The following SH2D4B variants were observed in gnomAD, a reference collection of about 807,000 sequenced individuals.
SH2D4B encodes the protein SH2 domain containing 4B.
SH2D4B carries 45 observed loss-of-function variants against 61.5 expected under a neutral mutation model. The ratio of observed to expected loss-of-function variants is 0.73; its 90% CI spans 0.58 to 0.94. The LOEUF is 0.94. Ranked by LOEUF, SH2D4B falls within the 40% of genes least tolerant of loss-of-function variation. The pLI, the probability that SH2D4B is intolerant of heterozygous loss-of-function variation, is 0.00. For synonymous variants in SH2D4B, 224 were observed against 220.4 expected (o/e 1.02, Z -0.14); for missense variants, 572 against 574.2 (o/e 1.00, Z 0.04).
At chr10:80,626,065 ATTGTC>A in intron 6 of SH2D4B, among the ~76,000 whole-genome samples, 2 of 152,080 alleles carry the variant, frequency 1.3e-5, no homozygotes, top group Admixed American at 1.3e-4. Context: ...CATTTTTATT[ATTGTC>A]TTGTAAGTCA....
chr10:80,603,593 G>T lies in SH2D4B; in HGVS notation c.658G>T (p.Ala220Ser), dbSNP rs370850128. The change falls in exon 5 of 8, where the codon GCG (alanine) becomes TCG (serine). Residue 220 changes from alanine to serine, a missense_variant. Transcript: ENST00000646907. ...EWEEQLRRSK[A>S]ADEERSRRAQ... ...CCTCTTTCCAGTGCGCCGGTCCAAG[G>T]CGGCTGATGAGGAGAGGAGCCGCCG... 1.0e-5 allele frequency: 16 copies of T among 1,560,060 alleles called. No homozygotes were observed. In the African/African-American group the frequency reaches 2.0e-4, roughly 20 times the overall value.
intron 3 of SH2D4B, among the ~76,000 whole-genome samples, chr10:80,582,499 C>A (rs564326163): frequency 2.0e-5 from 3 of 152,140 alleles, no homozygotes; most frequent in Non-Finnish European, 2.9e-5. Flanking sequence ...GGAACCAGGA[C>A]CCCCGCACTG....
intron 1 of SH2D4B, among the ~76,000 whole-genome samples, chr10:80,559,403 A>T (rs1049870595): frequency 1.3e-5 from 2 of 152,060 alleles, no homozygotes; most frequent in African/African-American, 4.8e-5. Flanking sequence ...TTAGTGTCTT[A>T]TTTGTTTTTA....
chr10:80,538,419 A>T lies in SH2D4B; in HGVS notation c.88A>T (p.Lys30Ter). The change falls in exon 1 of 8, where the codon AAA (lysine) becomes TAA (stop). Residue 30 changes from lysine to a stop codon, truncating the protein, a stop_gained. Transcript: ENST00000646907. LOFTEE classifies it high-confidence loss of function. The surrounding 1 kb of genome is among the most constrained non-coding windows in gnomAD (Gnocchi z 4.8). ...TGTGCAGAAGCACATCCTCTTCTAC[A>T]AAATGCGGGAGGAGCAGCTGAGGCG... The part of the protein sequence containing the change: ...SDVQKHILFY[K>*]MREEQLRRWK... 1 of 1,491,834 alleles carries T rather than the reference A, an allele frequency of 6.7e-7. No homozygotes were observed. Among genetic ancestry groups the T allele is most frequent in the Non-Finnish European group, 8.9e-7 (1 of 1,119,086 alleles). 92.4% of individuals were successfully genotyped at this position (1,491,834 alleles called of 1,614,324 possible).
At chr10:80,591,906 A>T (rs2132132421) in intron 4 of SH2D4B, among the ~76,000 whole-genome samples, 3 of 152,296 alleles carry the variant, frequency 2.0e-5, no homozygotes, top group Middle Eastern at 6.8e-3. Flanking sequence ...TCCATTCTTG[A>T]AGGCAGAGTC....
chr10:80,623,121 G>T (rs944539184), intron 6 of SH2D4B, among the ~76,000 whole-genome samples: 1 of 152,188 alleles, frequency 6.6e-6, no homozygotes, highest in Non-Finnish European at 1.5e-5. Context: ...TGCCATGTTG[G>T]CCAGGATTGT....
At chr10:80,632,579 T>C (rs183983389) in intron 6 of SH2D4B, among the ~76,000 whole-genome samples, 64 of 152,258 alleles carry the variant, frequency 4.2e-4, no homozygotes, top group African/African-American at 1.1e-3. Flanking sequence ...TGACATCTTC[T>C]GGTCCCTCTT....
chr10:80,642,070 T>C (rs944746212), intron 7 of SH2D4B, among the ~76,000 whole-genome samples: 8 of 152,156 alleles, frequency 5.3e-5, no homozygotes, highest in Non-Finnish European at 1.5e-5. Context: ...AGGAAATATA[T>C]AGTTTTGTTA....
rs868590434 is a variant in SH2D4B at position 80,611,197 on chromosome 10, A to C, written c.988+1646A>C. ...TCTCAAAAAAAAAAAAAAAAAAAAA[A>C]AAAAAACATTGATGATCTCATGACA... On this transcript the variant is annotated intron_variant, in intron 6 of 7. Transcript: ENST00000646907. 3.8e-4 allele frequency among the ~76,000 whole-genome samples: 58 copies of C among 150,938 alleles called. No homozygotes were observed. The South Asian group carries it at 4.8e-3, about 13-fold the overall frequency.
chr10:80,596,658 A>G (rs1213326331), intron 4 of SH2D4B, among the ~76,000 whole-genome samples: 1 of 152,198 alleles, frequency 6.6e-6, no homozygotes, highest in African/African-American at 2.4e-5. Context: ...TGGGCATTCC[A>G]AGGACTGCCG....
chr10:80,552,979 G>A (rs959497375), intron 1 of SH2D4B, among the ~76,000 whole-genome samples: 1 of 151,802 alleles, frequency 6.6e-6, no homozygotes, highest in Non-Finnish European at 1.5e-5. Flanking sequence ...ACAATGGCAC[G>A]ATCTTGGCTC....
Position 80,629,834 on chromosome 10 carries a change from A to G in SH2D4B, c.989-4451A>G, listed in dbSNP as rs78153352. 5.1e-3 allele frequency among the ~76,000 whole-genome samples: 770 copies of G among 152,286 alleles called. 8 individuals are homozygous for G. Among genetic ancestry groups the G allele is most frequent in the African/African-American group, 0.018 (735 of 41,558 alleles). On this transcript the variant is annotated intron_variant, in intron 6 of 7. Transcript: ENST00000646907. ...GAGGACCTCAAACTCGGTTTCAGAG[A>G]GGTTGAAGTCACCTGCTCTCAAGGC...
intron 1 of SH2D4B, among the ~76,000 whole-genome samples, chr10:80,545,360 C>T (rs1841660297): frequency 6.6e-6 from 1 of 151,898 alleles, no homozygotes; most frequent in Non-Finnish European, 1.5e-5. Flanking sequence ...TTCTTCCTTT[C>T]CTCCTCCTTC....
At chr10:80,575,480 G>T (rs958193406) in intron 3 of SH2D4B, among the ~76,000 whole-genome samples, 11 of 152,220 alleles carry the variant, frequency 7.2e-5, no homozygotes, top group African/African-American at 2.4e-4. Context: ...AGGGATGTGG[G>T]CTGGGCACAG....
chr10:80,566,090 CAAAAAAAAAA>C lies in SH2D4B; in HGVS notation c.185-4045_185-4036del, dbSNP rs60774703. On this transcript the variant is annotated intron_variant, in intron 1 of 7. Transcript: ENST00000646907. ...TGGGTGACAGAGCGAGACTCCGGCTCAAAAAAAAAAAAAAAAAAAAAAAAAAAAGAGTGAA... is the reference window on the plus strand; with the variant it reads ...TGGGTGACAGAGCGAGACTCCGGCTCAAAAAAAAAAAAAAAAAAGAGTGAA... Among the ~76,000 whole-genome samples, 27 of 23,814 alleles carry C rather than the reference CAAAAAAAAAA, an allele frequency of 1.1e-3. 1 individual carries two copies. The highest frequency in any genetic ancestry group is 3.6e-3 in the African/African-American group (21 of 5,848). 15.6% of individuals were successfully genotyped at this position (23,814 alleles called of 152,430 possible).
chr10:80,612,705 G>A (rs936597754), intron 6 of SH2D4B, among the ~76,000 whole-genome samples: 11 of 152,196 alleles, frequency 7.2e-5, no homozygotes, highest in African/African-American at 2.7e-4. Context: ...TAATCTGTCA[G>A]AATCCCAATA....
Position 80,603,576 on chromosome 10 carries a change from C to T in SH2D4B, c.644-3C>T. ...GGCTAACGTGCTGTCTTCCTCTTTCCAGTGCGCCGGTCCAAGGCGGCTGAT... is the reference window on the plus strand; with the variant it reads ...GGCTAACGTGCTGTCTTCCTCTTTCTAGTGCGCCGGTCCAAGGCGGCTGAT... On this transcript the variant is annotated splice_region_variant and splice_polypyrimidine_tract_variant and intron_variant, in intron 4 of 7. Coordinates refer to ENST00000646907, the MANE Select transcript of SH2D4B (RefSeq NM_001388272.1). The T allele has an allele frequency of 6.5e-7, 1 of 1,541,994 alleles. No homozygotes were observed. Among genetic ancestry groups the T allele is most frequent in the Non-Finnish European group, 8.8e-7 (1 of 1,140,130 alleles).
At chr10:80,634,142 G>A in intron 6 of SH2D4B, 143 bp from the exon 7 acceptor site, 1 of 1,164,516 alleles carries the variant, frequency 8.6e-7, no homozygotes, top group Non-Finnish European at 1.1e-6. Context: ...AGCCCTTGGG[G>A]CTCTTTCCTT....
chr10:80,564,584 A>G (rs975842935), intron 1 of SH2D4B, among the ~76,000 whole-genome samples: 2 of 152,112 alleles, frequency 1.3e-5, no homozygotes, highest in Admixed American at 6.5e-5. Flanking sequence ...TTTTCTACCA[A>G]TTCTCACTCT....
Sources: allele counts gnomAD v4.1 joint callset (sites outside exome capture counted in the v4.1 genomes callset), GRCh38; gene constraint gnomAD v4.1.1; non-coding constraint Gnocchi (gnomAD v3.1); transcripts MANE v1.5; gene names NCBI Gene and HGNC (gene_info 2026-07-23, HGNC 2026-07-21).